FBXW8: variants seen among roughly 807,000 people sequenced by gnomAD.
FBXW8 encodes F-box and WD repeat domain containing 8.
FBXW8 carries 57 observed loss-of-function variants against 65.3 expected under a neutral mutation model. The ratio of observed to expected loss-of-function variants is 0.87; its 90% CI spans 0.71 to 1.09. The LOEUF is 1.09. Ranked by LOEUF, FBXW8 falls within the 50% of genes least tolerant of loss-of-function variation. FBXW8 has a pLI of 0.00. For synonymous variants in FBXW8, 308 were observed against 330.2 expected (o/e 0.93, Z 0.73); for missense variants, 777 against 814.8 (o/e 0.95, Z 0.57).
chr12:116,994,087 A>G (rs987721223), intron 7 of FBXW8, among the ~76,000 whole-genome samples: 1 of 152,248 alleles, frequency 6.6e-6, no homozygotes, highest in African/African-American at 2.4e-5. Flanking sequence ...ACAACTCTAG[A>G]GGCATCCCAT....
chr12:116,911,059 G>T lies in FBXW8; in HGVS notation c.22G>T (p.Glu8Ter). ...GAATATGGACGACTACAGCCTGGAT[G>T]AGTTCCGTCGGCGCTGGCAGGAGGA... is the stretch of plus-strand genomic sequence containing the variant. MDDYSLD[E>*]FRRRWQEELA... Residue 8 changes from glutamate (E) to a stop codon, truncating the protein, a stop_gained, in exon 1 of 11, where the codon GAG becomes TAG. Transcript: ENST00000652555. LOFTEE classifies it high-confidence loss of function. The T allele has an allele frequency of 6.9e-7, 1 of 1,455,338 alleles. No homozygotes were observed. The highest frequency in any genetic ancestry group is 1.4e-5 in the South Asian group (1 of 74,060). The allele number at this position is 1,455,338 out of a possible 1,614,324, so 90.2% of individuals were successfully genotyped here.
intron 5 of FBXW8, among the ~76,000 whole-genome samples, chr12:116,969,433 A>G (rs1009501924): frequency 6.6e-6 from 1 of 152,200 alleles, no homozygotes; most frequent in Admixed American, 6.5e-5. Flanking sequence ...ACACTATGAT[A>G]TTTACACTAA....
At chr12:116,978,596 G>A (rs1225812889) in intron 5 of FBXW8, 1 of 152,160 alleles carries the variant, frequency 6.6e-6, no homozygotes, top group Non-Finnish European at 1.5e-5. Context: ...TAACGATCAT[G>A]AAGTTGACAC....
intron 3 of FBXW8, chr12:116,949,279 G>T: frequency 3.9e-6 from 1 of 254,870 alleles, no homozygotes; most frequent in Non-Finnish European, 7.6e-6. Context: ...TTAGATACTT[G>T]CCACTCCCAG....
Position 116,988,669 on chromosome 12 carries a change from T to A in FBXW8, c.1039T>A (p.Tyr347Asn). The change falls in exon 7 of 11, where the codon TAC (tyrosine) becomes AAC (asparagine). Residue 347 changes from tyrosine (Y) to asparagine (N), a missense_variant. Transcript: ENST00000652555. ...AEFEVPKLVQ[Y>N]LEIVPETRRY... ...AACTCTTACCTTTTAACAGGTTCAG[T>A]ACCTTGAAATAGTTCCAGAAACCAG... 1 of 1,614,122 alleles carries A rather than the reference T, an allele frequency of 6.2e-7. No homozygotes were observed. The highest frequency in any genetic ancestry group is 8.5e-7 in the Non-Finnish European group (1 of 1,179,994).
At chr12:117,019,893 G>C (rs1337859538) in intron 8 of FBXW8, among the ~76,000 whole-genome samples, 2 of 152,192 alleles carry the variant, frequency 1.3e-5, no homozygotes, top group Non-Finnish European at 2.9e-5. Flanking sequence ...CTTTAAAATT[G>C]TTTGGTTTTA....
chr12:116,953,546 C>T (rs1446126582), intron 4 of FBXW8, among the ~76,000 whole-genome samples: 4 of 151,908 alleles, frequency 2.6e-5, no homozygotes, highest in Admixed American at 6.6e-5. Flanking sequence ...CCGAGGCGGG[C>T]GGATCACAAG....
chr12:116,928,004 C>CT lies in FBXW8; in HGVS notation c.319-9dup, dbSNP rs58622490. The CT allele has an allele frequency of 3.6e-3, 4,655 of 1,300,936 alleles. No homozygotes were observed. Among genetic ancestry groups the CT allele is most frequent in the Non-Finnish European group, 4.2e-3 (3,939 of 948,138 alleles). The allele number at this position is 1,300,936 out of a possible 1,614,324, so 80.6% of individuals were successfully genotyped here. A position where few individuals can be genotyped will look rare whatever the true frequency, so the allele number is the denominator to read the frequency against. Reference sequence around the variant, plus strand: ...ATATCTAAAAATTATAAACTTCTTTCTTTTTTTTTTCCCCTCAGAATGAAA... The same window carrying CT: ...ATATCTAAAAATTATAAACTTCTTTCTTTTTTTTTTTCCCCTCAGAATGAAA... On this transcript the variant is annotated intron_variant, in intron 1 of 10. Coordinates refer to ENST00000652555, the MANE Select transcript of FBXW8 (RefSeq NM_153348.3).
intron 7 of FBXW8, 123 bp from the exon 8 acceptor site, chr12:117,010,200 G>T: frequency 7.0e-7 from 1 of 1,429,794 alleles, no homozygotes; most frequent in Non-Finnish European, 9.6e-7. Flanking sequence ...AAATTAAGTG[G>T]CAGAACATCT....
intron 8 of FBXW8, among the ~76,000 whole-genome samples, chr12:117,014,127 CT>C (rs1021056143): frequency 6.6e-6 from 1 of 152,124 alleles, no homozygotes; most frequent in Non-Finnish European, 1.5e-5. Flanking sequence ...TTTCCCAAAC[CT>C]TTCTTTCTGT....
At chr12:116,929,213 T>C (rs1181830019) in intron 2 of FBXW8, among the ~76,000 whole-genome samples, 1 of 152,028 alleles carries the variant, frequency 6.6e-6, no homozygotes, top group Non-Finnish European at 1.5e-5. Flanking sequence ...TCTCGTCTTT[T>C]TGGCCAAGAG....
At position 116,911,287 on chromosome 12, in the gene FBXW8, C is replaced by G. The variant is rs1337775625; in HGVS notation, c.250C>G (p.Arg84Gly). 1.6e-6 allele frequency: 2 copies of G among 1,271,350 alleles called. No homozygotes were observed. Among genetic ancestry groups the G allele is most frequent in the African/African-American group, 3.1e-5 (2 of 64,522 alleles). 78.8% of individuals were successfully genotyped at this position (1,271,350 alleles called of 1,614,324 possible). A position where few individuals can be genotyped will look rare whatever the true frequency, so the allele number is the denominator to read the frequency against. Residue 84 changes from arginine to glycine, a missense_variant, in exon 1 of 11, where the codon CGT (arginine) becomes GGT (glycine). By Grantham distance (125) the Arg-to-Gly change is moderately radical. Coordinates refer to ENST00000652555, the MANE Select transcript of FBXW8 (RefSeq NM_153348.3). ...GGGGCAGGACGTAGCGAGCCGCTCA[C>G]GTTCTCCTCTGGCCCGCGAGGGCGC... Reference protein sequence around the residue: ...AEGQDVASRSRSPLAREGAGG... With the variant: ...AEGQDVASRSGSPLAREGAGG...
At chr12:116,947,520 G>T (rs952339682) in intron 3 of FBXW8, among the ~76,000 whole-genome samples, 2 of 152,106 alleles carry the variant, frequency 1.3e-5, no homozygotes, top group African/African-American at 4.8e-5. Flanking sequence ...GGCTGAGGCG[G>T]ATGGATCACT....
rs978585444 is a variant in FBXW8 at position 117,030,480 on chromosome 12, A to G, written c.*2308A>G. 5 of 152,172 alleles carry G rather than the reference A, an allele frequency of 3.3e-5. No individual in the cohort carries two copies. The highest frequency in any genetic ancestry group is 5.9e-5 in the Non-Finnish European group (4 of 68,038). 9.4% of individuals were successfully genotyped at this position (152,172 alleles called of 1,614,324 possible). ...CCCGCCCTTTCTCTCTCATAGTCTT[A>G]ATGCGTCTGGACCACTGGGGAAAAT... On this transcript the variant is annotated 3_prime_UTR_variant, in exon 11 of 11. Transcript: ENST00000652555.
chr12:116,964,547 G>A, intron 4 of FBXW8, 150 bp from the exon 5 acceptor site: 1 of 762,748 alleles, frequency 1.3e-6, no homozygotes, highest in Non-Finnish European at 2.2e-6. Flanking sequence ...ATTTTCTCCT[G>A]TTGGAGTCAC....
At chr12:116,983,730 A>G (rs575182724) in intron 5 of FBXW8, among the ~76,000 whole-genome samples, 2 of 152,364 alleles carry the variant, frequency 1.3e-5, no homozygotes, top group South Asian at 2.1e-4. Context: ...CGGATGATCA[A>G]TAGAAGGGGA....
intron 5 of FBXW8, among the ~76,000 whole-genome samples, chr12:116,976,924 C>T (rs1325910361): frequency 6.6e-6 from 1 of 152,148 alleles, no homozygotes; most frequent in Non-Finnish European, 1.5e-5. Flanking sequence ...CTGAAGAGCA[C>T]TGGTCTGGAA....
chr12:116,925,051 C>A (rs970056431), intron 1 of FBXW8, among the ~76,000 whole-genome samples: 1 of 151,204 alleles, frequency 6.6e-6, no homozygotes, highest in African/African-American at 2.4e-5. Flanking sequence ...ACAGGACTAT[C>A]GTGGGTCATG....
chr12:116,994,206 G>A (rs1383219185), intron 7 of FBXW8, among the ~76,000 whole-genome samples: 1 of 152,178 alleles, frequency 6.6e-6, no homozygotes, highest in African/African-American at 2.4e-5. Flanking sequence ...ACCAGTACTG[G>A]TATAAAAGTA....
Sources: allele counts gnomAD v4.1 joint callset (sites outside exome capture counted in the v4.1 genomes callset), GRCh38; gene constraint gnomAD v4.1.1; transcripts MANE v1.5; gene names NCBI Gene and HGNC (gene_info 2026-07-23, HGNC 2026-07-21).